The following ZNF81 variants were observed in gnomAD, a reference collection of about 807,000 sequenced individuals.
The protein encoded by ZNF81 is zinc finger protein 81.
In ZNF81, 5 loss-of-function variants were observed where a neutral mutation model predicts 32.3. That is an observed-to-expected ratio of 0.15 (90% confidence interval 0.08 to 0.33). ZNF81 has a LOEUF of 0.33. ZNF81 is among the 10% of genes least tolerant of loss of function. The pLI is 1.00. For synonymous variants in ZNF81, 163 were observed against 166.8 expected (o/e 0.98, Z 0.17); for missense variants, 379 against 479.8 (o/e 0.79, Z 1.96).
chrX:47,887,083 C>CAA (rs2058644687), intron 2 of ZNF81, among the ~76,000 whole-genome samples: 1 of 111,509 alleles, frequency 9.0e-6, no homozygotes, highest in East Asian at 2.8e-4. Context: ...AAAGACTTCA[C>CAA]TTTCGCCCAT....
chrX:47,872,142 C>T (rs1350214833), intron 2 of ZNF81, among the ~76,000 whole-genome samples: 2 of 111,944 alleles, frequency 1.8e-5, no homozygotes, highest in Non-Finnish European at 3.8e-5. Flanking sequence ...AGTCCCCTAG[C>T]AGTTCCCAAA....
chrX:47,900,294 A>G (rs1268645843), intron 4 of ZNF81, among the ~76,000 whole-genome samples: 2 of 111,263 alleles, frequency 1.8e-5, no homozygotes, highest in African/African-American at 6.5e-5. Context: ...CTAAAAATAG[A>G]CCCATTAATA....
chrX:47,875,089 G>T (rs782469745), intron 2 of ZNF81, among the ~76,000 whole-genome samples: 1 of 110,230 alleles, frequency 9.1e-6, no homozygotes, highest in East Asian at 2.9e-4. Flanking sequence ...GGCCACGGGG[G>T]TGGGGGTGGG....
intron 4 of ZNF81, among the ~76,000 whole-genome samples, chrX:47,910,802 A>G (rs1326571577): frequency 8.9e-6 from 1 of 111,911 alleles, no homozygotes. Flanking sequence ...GATCATCATT[A>G]CCCAAATCAG....
rs191163393 is a variant in ZNF81 at position 47,877,750 on chromosome X, A to G, written c.55-10249A>G. Among the ~76,000 whole-genome samples the G allele has an allele frequency of 6.2e-5, 7 of 112,129 alleles. No homozygotes were observed. The South Asian group carries it at 1.5e-3, about 24-fold the overall frequency. On this transcript the variant is annotated intron_variant, in intron 2 of 4. Coordinates refer to ENST00000338637, the MANE Select transcript of ZNF81 (RefSeq NM_007137.5). ...TTGCTGCTCATTTTCCTGATAGCAT[A>G]CCTTAAGTTGTTGCTTAGTTTTAAA...
chrX:47,858,055 A>T (rs1556882098), intron 2 of ZNF81, among the ~76,000 whole-genome samples: 1 of 111,582 alleles, frequency 9.0e-6, no homozygotes, highest in African/African-American at 3.3e-5. Context: ...AGAGAACATC[A>T]GCACTTACAG....
intron 1 of ZNF81, among the ~76,000 whole-genome samples, chrX:47,840,331 T>C (rs1490342297): frequency 2.2e-5 from 2 of 89,758 alleles, no homozygotes; most frequent in African/African-American, 4.3e-5. Flanking sequence ...AACCCTAGGA[T>C]AGAAGATGCA....
At chrX:47,854,137 T>C (rs936461131) in intron 2 of ZNF81, among the ~76,000 whole-genome samples, 11 of 112,784 alleles carry the variant, frequency 9.8e-5, no homozygotes, top group African/African-American at 3.5e-4. Context: ...TGTACTTTTA[T>C]GTTATGGAGA....
intron 1 of ZNF81, chrX:47,842,659 C>G (rs2058454637): frequency 8.9e-6 from 1 of 111,888 alleles, no homozygotes; most frequent in Non-Finnish European, 1.9e-5. Flanking sequence ...GAGTCTCACT[C>G]TGTCACCCAG....
intron 2 of ZNF81, among the ~76,000 whole-genome samples, chrX:47,853,000 A>G (rs1301789972): frequency 8.9e-6 from 1 of 112,521 alleles, no homozygotes; most frequent in Non-Finnish European, 1.9e-5. Context: ...TGAAAACAAC[A>G]TGAATCTCCT....
At chrX:47,862,502 G>A (rs1308176833) in intron 2 of ZNF81, among the ~76,000 whole-genome samples, 3 of 98,238 alleles carry the variant, frequency 3.1e-5, no homozygotes, top group Non-Finnish European at 6.1e-5. Flanking sequence ...CAGCCCAGGC[G>A]ACAAGTGAGA....
At chrX:47,900,675 G>A (rs943925683) in intron 4 of ZNF81, among the ~76,000 whole-genome samples, 5 of 111,213 alleles carry the variant, frequency 4.5e-5, no homozygotes, top group Non-Finnish European at 9.4e-5. Flanking sequence ...TTGTTCTGAA[G>A]AATGTCAGTG....
At chrX:47,866,995 C>T (rs2058562392) in intron 2 of ZNF81, among the ~76,000 whole-genome samples, 1 of 111,608 alleles carries the variant, frequency 9.0e-6, no homozygotes, top group South Asian at 3.8e-4. Flanking sequence ...AGCAAACTAA[C>T]ACAGGAACAG....
intron 2 of ZNF81, among the ~76,000 whole-genome samples, chrX:47,859,267 A>G (rs186062739): frequency 2.9e-4 from 32 of 111,392 alleles, no homozygotes; most frequent in Non-Finnish European, 5.1e-4. Context: ...TGTTATTTCA[A>G]TAATTCTTTT....
Position 47,846,280 on chromosome X carries a change from G to A in ZNF81, c.13G>A (p.Glu5Lys), listed in dbSNP as rs888393643. 1 of 1,209,415 alleles carries A rather than the reference G, an allele frequency of 8.3e-7. No homozygotes were observed. The highest frequency in any genetic ancestry group is 1.1e-6 in the Non-Finnish European group (1 of 894,972). The change falls in exon 2 of 5, where the codon GAG becomes AAG. Residue 5 changes from glutamate (E) to lysine (K), a missense_variant. Around this residue, in one of 2 missense-constraint regions of ZNF81, gnomAD observed 277 missense variants for 306.6 expected, o/e 0.90. Coordinates refer to ENST00000338637, the MANE Select transcript of ZNF81 (RefSeq NM_007137.5). The part of the protein sequence containing the change: MPAN[E>K]DAPQPGEHGS... ...GTCCGTCGGGAACATGCCAGCTAAC[G>A]AGGACGCTCCCCAGCCAGGGGAACA...
chrX:47,907,596 C>T (rs1407116147), intron 4 of ZNF81, among the ~76,000 whole-genome samples: 2 of 111,113 alleles, frequency 1.8e-5, no homozygotes, highest in African/African-American at 3.3e-5. Flanking sequence ...AAAGTGAAAA[C>T]TACCAAAGCC....
At chrX:47,902,466 A>G (rs1362157296) in intron 4 of ZNF81, among the ~76,000 whole-genome samples, 7 of 111,850 alleles carry the variant, frequency 6.3e-5, no homozygotes, top group African/African-American at 2.0e-4. Context: ...TAATCGACAT[A>G]CATAGGTTAC....
At chrX:47,858,845 C>G (rs1432949737) in intron 2 of ZNF81, among the ~76,000 whole-genome samples, 1 of 110,994 alleles carries the variant, frequency 9.0e-6, no homozygotes, top group Non-Finnish European at 1.9e-5. Context: ...AATCCCAGCA[C>G]TTTGGGAGGC....
rs369317714 is a variant in ZNF81 at position 47,844,439 on chromosome X, C to T, written c.-163-1666C>T. 8.9e-4 allele frequency among the ~76,000 whole-genome samples: 100 copies of T among 112,035 alleles called. No individual in the cohort carries two copies. The South Asian group carries it at 0.015, about 17-fold the overall frequency. On this transcript the variant is annotated intron_variant, in intron 1 of 4. Transcript: ENST00000338637. Reference sequence around the variant, plus strand: ...CACAAAATATGTGGTCTTTTGTGACCGGCTTCTTTCACTTAGGGTAGAGTT... The same window carrying T: ...CACAAAATATGTGGTCTTTTGTGACTGGCTTCTTTCACTTAGGGTAGAGTT...
Sources: gnomAD v4.1 joint callset for allele counts (sites outside exome capture counted in the v4.1 genomes callset) on GRCh38, gnomAD v4.1.1 for gene constraint, gnomAD v4.1.1 regional missense constraint, MANE v1.5 for transcripts, NCBI Gene and HGNC (gene_info 2026-07-23, HGNC 2026-07-21) for gene names.